The following FBXL7 variants were observed in gnomAD, a reference collection of about 807,000 sequenced individuals.
The protein encoded by FBXL7 is F-box/LRR-repeat protein 7.
FBXL7 carries 12 observed loss-of-function variants against 38.3 expected under a neutral mutation model. The observed-to-expected ratio is 0.31, with a 90% CI of 0.20 to 0.51. The LOEUF (loss-of-function observed/expected upper bound fraction) is 0.51, where lower values mean the gene tolerates loss of function less well. FBXL7 is among the 20% of genes least tolerant of loss of function. The probability of loss-of-function intolerance (pLI) is 0.98; values close to 1 mark genes in which losing one functional copy is unlikely to be tolerated. For missense variants in FBXL7, 567 were observed against 676.4 expected, an observed-to-expected ratio of 0.84 and a Z score of 1.79; for synonymous variants, 297 against 300.9, an observed-to-expected ratio of 0.99 and a Z score of 0.13.
chr5:15,737,161 C>T (rs1376547290), intron 2 of FBXL7, among the ~76,000 whole-genome samples: 1 of 152,140 alleles, frequency 6.6e-6, no homozygotes, highest in Non-Finnish European at 1.5e-5. Context: ...AGTCACCTCT[C>T]CCTGATCTCC....
Position 15,569,499 on chromosome 5 carries a change from A to G in FBXL7, c.38-46484A>G, listed in dbSNP as rs1412020399. 4.4e-4 allele frequency among the ~76,000 whole-genome samples: 67 copies of G among 151,388 alleles called. 1 individual carries two copies. The highest frequency in any genetic ancestry group is 3.0e-3 in the Admixed American group (46 of 15,154). On this transcript the variant is annotated intron_variant, in intron 1 of 3. Transcript: ENST00000504595. Reference sequence around the variant, plus strand: ...CTTAAGGAGATTTTGGGCTGAGACGATGGGGTTTTCTAGATATACAATCAT... The same window carrying G: ...CTTAAGGAGATTTTGGGCTGAGACGGTGGGGTTTTCTAGATATACAATCAT...
At chr5:15,712,821 A>G (rs1031849501) in intron 2 of FBXL7, among the ~76,000 whole-genome samples, 28 of 152,292 alleles carry the variant, frequency 1.8e-4, no homozygotes, top group African/African-American at 6.0e-4. Flanking sequence ...TTATGTGTCA[A>G]CTTGTCTCCT....
At chr5:15,862,643 A>G (rs1428347280) in intron 2 of FBXL7, among the ~76,000 whole-genome samples, 4 of 152,208 alleles carry the variant, frequency 2.6e-5, no homozygotes, top group Admixed American at 1.3e-4. Flanking sequence ...CAGTGGCTTC[A>G]ATGAAGATGC....
intron 2 of FBXL7, among the ~76,000 whole-genome samples, chr5:15,812,287 A>G (rs983943775): frequency 3.3e-5 from 5 of 152,152 alleles, no homozygotes; most frequent in African/African-American, 1.2e-4. Flanking sequence ...GAGTTGAACA[A>G]CGAGAACACA....
At chr5:15,801,835 G>C (rs888557750) in intron 2 of FBXL7, among the ~76,000 whole-genome samples, 6 of 151,666 alleles carry the variant, frequency 4.0e-5, no homozygotes, top group Non-Finnish European at 8.8e-5. Context: ...CATATTTCGG[G>C]GGGGGCGGGG....
Position 15,939,000 on chromosome 5 carries a change from A to G in FBXL7, c.*1814A>G. ...TGCATCTCCAAGCCAGTTATGCTGA[A>G]TTTGTCAAACTTAGACACCCTTGAC... On this transcript the variant is annotated 3_prime_UTR_variant, in exon 4 of 4. Transcript: ENST00000504595. 1 of 399,066 alleles carries G rather than the reference A, an allele frequency of 2.5e-6. No homozygotes were observed. The highest frequency in any genetic ancestry group is 6.3e-4 in the Middle Eastern group (1 of 1,588). The allele number at this position is 399,066 out of a possible 1,614,324, so 24.7% of individuals were successfully genotyped here.
At chr5:15,581,608 C>G (rs754735215) in intron 1 of FBXL7, among the ~76,000 whole-genome samples, 1 of 152,216 alleles carries the variant, frequency 6.6e-6, no homozygotes, top group Non-Finnish European at 1.5e-5. Context: ...CTGGAAAGTT[C>G]TCCCAGAATT....
chr5:15,597,563 C>T (rs1739660404), intron 1 of FBXL7, among the ~76,000 whole-genome samples: 1 of 150,506 alleles, frequency 6.6e-6, no homozygotes, highest in Non-Finnish European at 1.5e-5. Flanking sequence ...AGTTGAAGGC[C>T]TACAAATTAC....
chr5:15,652,840 C>A (rs1741755898), intron 2 of FBXL7, among the ~76,000 whole-genome samples: 1 of 152,022 alleles, frequency 6.6e-6, no homozygotes, highest in Admixed American at 6.6e-5. Context: ...TGACTGTAGT[C>A]AAAAATAATT....
At chr5:15,853,020 A>G (rs1739145823) in intron 2 of FBXL7, among the ~76,000 whole-genome samples, 1 of 152,206 alleles carries the variant, frequency 6.6e-6, no homozygotes, top group Admixed American at 6.5e-5. Context: ...TGATTTATTT[A>G]ATCCTCTTCT....
At chr5:15,525,380 C>T (rs544246516) in intron 1 of FBXL7, among the ~76,000 whole-genome samples, 3 of 152,248 alleles carry the variant, frequency 2.0e-5, no homozygotes, top group South Asian at 2.1e-4. Context: ...TTTAAAAAAT[C>T]CCTAACAATG....
chr5:15,827,973 T>G (rs1339397169), intron 2 of FBXL7, among the ~76,000 whole-genome samples: 1 of 152,214 alleles, frequency 6.6e-6, no homozygotes, highest in Non-Finnish European at 1.5e-5. Context: ...GTCCTTATGT[T>G]CAAGCAGCTC....
intron 2 of FBXL7, among the ~76,000 whole-genome samples, chr5:15,707,559 T>C (rs533275352): frequency 5.9e-4 from 90 of 152,212 alleles, no homozygotes; most frequent in East Asian, 2.1e-3. Flanking sequence ...ATCTGCCAGG[T>C]TGAAGCCAGG....
chr5:15,735,593 AGT>A, intron 2 of FBXL7, among the ~76,000 whole-genome samples: 1 of 152,362 alleles, frequency 6.6e-6, no homozygotes, highest in African/African-American at 2.4e-5. Flanking sequence ...GTGTTTAGAA[AGT>A]GATGGGAAGT....
At chr5:15,677,719 A>T (rs1324444173) in intron 2 of FBXL7, among the ~76,000 whole-genome samples, 1 of 152,202 alleles carries the variant, frequency 6.6e-6, no homozygotes, top group Non-Finnish European at 1.5e-5. Flanking sequence ...CAATAAAATA[A>T]CATGTCTCAG....
intron 2 of FBXL7, among the ~76,000 whole-genome samples, chr5:15,676,119 T>G (rs1480624847): frequency 6.6e-6 from 1 of 152,194 alleles, no homozygotes; most frequent in East Asian, 1.9e-4. Flanking sequence ...GCCTCATTTT[T>G]TCTTTATTAG....
At chr5:15,664,030 CCTTT>C (rs1328258912) in intron 2 of FBXL7, among the ~76,000 whole-genome samples, 1 of 151,960 alleles carries the variant, frequency 6.6e-6, no homozygotes, top group African/African-American at 2.4e-5. Flanking sequence ...GTTCTGTTTT[CCTTT>C]CTTCTTTTCT....
chr5:15,599,347 G>T (rs772662744), intron 1 of FBXL7, among the ~76,000 whole-genome samples: 16 of 152,244 alleles, frequency 1.1e-4, no homozygotes, highest in South Asian at 2.1e-4. Context: ...GTGGATATGT[G>T]TGTGTGTTTG....
At chr5:15,707,865 A>G (rs1315535163) in intron 2 of FBXL7, among the ~76,000 whole-genome samples, 1 of 152,148 alleles carries the variant, frequency 6.6e-6, no homozygotes, top group African/African-American at 2.4e-5. Flanking sequence ...ACAAGTAGCC[A>G]AAGCTAGGAT....
Sources: gnomAD v4.1 joint callset for allele counts (sites outside exome capture counted in the v4.1 genomes callset) on GRCh38, gnomAD v4.1.1 for gene constraint, MANE v1.5 for transcripts, NCBI Gene and HGNC (gene_info 2026-07-23, HGNC 2026-07-21) for gene names.